G2E3: variants seen among roughly 807,000 people sequenced by gnomAD.
G2E3 encodes G2/M phase-specific E3 ubiquitin-protein ligase.
In G2E3, 35 loss-of-function variants were observed where a neutral mutation model predicts 92.8. That is an observed-to-expected ratio of 0.38 (90% confidence interval 0.29 to 0.50). The LOEUF (loss-of-function observed/expected upper bound fraction) is 0.50. G2E3 is among the 20% of genes least tolerant of loss of function. The pLI is 0.94. For missense variants in G2E3, 554 were observed against 823.8 expected (o/e 0.67, Z 4.01); for synonymous variants, 242 against 272.4 (o/e 0.89, Z 1.10).
intron 1 of G2E3, among the ~76,000 whole-genome samples, chr14:30,568,223 A>G (rs960784088): frequency 6.6e-6 from 1 of 152,102 alleles, no homozygotes; most frequent in Non-Finnish European, 1.5e-5. Context: ...ACATTAGTAT[A>G]AACACCCAAG....
intron 1 of G2E3, 96 bp downstream of exon 1, chr14:30,559,368 C>CG (rs1188190315): frequency 1.3e-5 from 2 of 152,540 alleles, no homozygotes. Context: ...ACGTCGCAGC[C>CG]GGGGCCTCGC....
intron 2 of G2E3, 64 bp from the exon 3 acceptor site, chr14:30,586,654 T>C: frequency 1.8e-6 from 1 of 562,840 alleles, no homozygotes; most frequent in Non-Finnish European, 3.1e-6. Flanking sequence ...GAAGCACCAA[T>C]TCCATAGGGT....
rs1882482609 is a variant in G2E3, at chr14:30,619,878, A to T, written c.*3344A>T. 1 of 152,176 alleles carries T rather than the reference A, an allele frequency of 6.6e-6. No individual in the cohort carries two copies. The highest frequency in any genetic ancestry group is 2.4e-5 in the African/African-American group (1 of 41,448). The allele number at this position is 152,176 out of a possible 1,614,324, so 9.4% of individuals were successfully genotyped here. ...TAAACTAAGTAATTTTTTGGGATTT[A>T]ATAAGATTAAGATTCTGACGAAACT... On this transcript the variant is annotated 3_prime_UTR_variant, in exon 15 of 15. Coordinates refer to ENST00000206595, the MANE Select transcript of G2E3 (RefSeq NM_017769.5).
In G2E3 at chr14:30,616,712, T is replaced by G. The variant is rs1882332227; in HGVS notation, c.*178T>G. The G allele has an allele frequency of 4.1e-6, 2 of 492,792 alleles. No individual in the cohort carries two copies. Among genetic ancestry groups the G allele is most frequent in the East Asian group, 3.6e-5 (1 of 27,648 alleles). The allele number at this position is 492,792 out of a possible 1,614,324, so 30.5% of individuals were successfully genotyped here. On this transcript the variant is annotated 3_prime_UTR_variant, in exon 15 of 15. Transcript: ENST00000206595. ...ACTTAGGCTAAAAAAAGGTTTTTTT[T>G]GTTAAAGCATACTAGTCAAAATTGG... is the stretch of plus-strand genomic sequence containing the variant.
At chr14:30,597,145 A>G (rs888872336) in intron 6 of G2E3, among the ~76,000 whole-genome samples, 2 of 152,218 alleles carry the variant, frequency 1.3e-5, no homozygotes, top group Admixed American at 1.3e-4. Flanking sequence ...AACATTACAC[A>G]GTAAGTAAAA....
chr14:30,570,660 T>C (rs1444937395), intron 1 of G2E3, among the ~76,000 whole-genome samples: 1 of 152,184 alleles, frequency 6.6e-6, no homozygotes. Flanking sequence ...ATTGTACTTT[T>C]CAGCTGCAGA....
intron 11 of G2E3, among the ~76,000 whole-genome samples, chr14:30,606,042 T>G (rs1422862147): frequency 6.6e-6 from 1 of 152,152 alleles, no homozygotes; most frequent in Non-Finnish European, 1.5e-5. Context: ...TATAGCAATA[T>G]TCTCCTTAAA....
chr14:30,580,188 A>G (rs1880350333), intron 1 of G2E3, among the ~76,000 whole-genome samples: 2 of 151,946 alleles, frequency 1.3e-5, no homozygotes, highest in South Asian at 4.2e-4. Flanking sequence ...ATAGACTAAT[A>G]AAGGATTGTT....
intron 1 of G2E3, among the ~76,000 whole-genome samples, chr14:30,578,425 A>G (rs2138810256): frequency 6.6e-6 from 1 of 152,314 alleles, no homozygotes; most frequent in South Asian, 2.1e-4. Context: ...ACCACCAGGG[A>G]TAAACCAGTA....
At chr14:30,563,693 TTTTGTG>T (rs933199941) in intron 1 of G2E3, among the ~76,000 whole-genome samples, 11 of 118,422 alleles carry the variant, frequency 9.3e-5, no homozygotes, top group African/African-American at 2.6e-4. Context: ...ACTTTGTTAC[TTTTGTG>T]TGTGTGTGTG....
At position 30,604,941 on chromosome 14, in the gene G2E3, G is replaced by A. The variant is rs8006170; in HGVS notation, c.1011-564G>A. On this transcript the variant is annotated intron_variant, in intron 10 of 14. Coordinates refer to ENST00000206595, the MANE Select transcript of G2E3 (RefSeq NM_017769.5). ...GACGGAGTTTCGCTCTTGTTGCCCA[G>A]GCTGGAGTGCAATGGCGTGATCTTG... Among the ~76,000 whole-genome samples the A allele has an allele frequency of 2.8e-3, 423 of 152,226 alleles. 2 individuals carry two copies. Among genetic ancestry groups the A allele is most frequent in the African/African-American group, 0.01 (418 of 41,520 alleles).
chr14:30,574,519 C>T (rs1185076179), intron 1 of G2E3: 2 of 151,442 alleles, frequency 1.3e-5, no homozygotes, highest in African/African-American at 4.9e-5. Context: ...TATTTCATCA[C>T]CCAGGTATTA....
intron 1 of G2E3, among the ~76,000 whole-genome samples, chr14:30,568,261 G>C (rs930620565): frequency 6.6e-6 from 1 of 152,048 alleles, no homozygotes; most frequent in Non-Finnish European, 1.5e-5. Context: ...TTTGTATGAA[G>C]TATCTTATTC....
rs905105967 is a variant in G2E3, at chr14:30,608,159, A to C, written c.1500+90A>C. ...TGATCTGCAATAAAATAATAGTATTATCTATGAAGGAGTTAGGGATTGTAA... is the reference window on the plus strand; with the variant it reads ...TGATCTGCAATAAAATAATAGTATTCTCTATGAAGGAGTTAGGGATTGTAA... On this transcript the variant is annotated intron_variant, in intron 12 of 14. Transcript: ENST00000206595. 2.7e-5 allele frequency: 20 copies of C among 731,906 alleles called. No homozygotes were observed. The African/African-American group carries it at 3.3e-4, about 12-fold the overall frequency. 45.3% of individuals were successfully genotyped at this position (731,906 alleles called of 1,614,324 possible).
intron 1 of G2E3, among the ~76,000 whole-genome samples, chr14:30,561,883 T>C (rs1007818268): frequency 6.6e-6 from 1 of 151,990 alleles, no homozygotes; most frequent in Non-Finnish European, 1.5e-5. Flanking sequence ...TTTTCTGAGA[T>C]GATAGCATAT....
intron 1 of G2E3, among the ~76,000 whole-genome samples, chr14:30,573,099 C>A (rs1879863041): frequency 6.6e-6 from 1 of 151,980 alleles, no homozygotes; most frequent in South Asian, 2.1e-4. Flanking sequence ...TTTCAAGTAG[C>A]TGGGACTACA....
Position 30,597,163 on chromosome 14 carries a change from G to A in G2E3, c.529-257G>A, listed in dbSNP as rs561193597. 1.1e-4 allele frequency among the ~76,000 whole-genome samples: 17 copies of A among 152,004 alleles called. No individual in the cohort carries two copies. The South Asian group carries it at 3.5e-3, about 32-fold the overall frequency. ...ATTACACAGTAAGTAAAATGACATT[G>A]CACAATAAGATTGAAAAAAATATAT... On this transcript the variant is annotated intron_variant, in intron 6 of 14. Coordinates refer to ENST00000206595, the MANE Select transcript of G2E3 (RefSeq NM_017769.5).
At chr14:30,606,754 G>A (rs1458327969) in intron 11 of G2E3, among the ~76,000 whole-genome samples, 2 of 152,042 alleles carry the variant, frequency 1.3e-5, no homozygotes, top group African/African-American at 4.8e-5. Flanking sequence ...TATTGTTAAT[G>A]TCACTTATTA....
chr14:30,590,215 G>T (rs1299105581), intron 4 of G2E3, among the ~76,000 whole-genome samples: 3 of 152,134 alleles, frequency 2.0e-5, no homozygotes, highest in African/African-American at 7.2e-5. Context: ...AGCATTTTGG[G>T]TGATGAAGGG....
Sources: allele counts gnomAD v4.1 joint callset (sites outside exome capture counted in the v4.1 genomes callset), GRCh38; gene constraint gnomAD v4.1.1; transcripts MANE v1.5; gene names NCBI Gene and HGNC (gene_info 2026-07-23, HGNC 2026-07-21).